PRDM16: variants seen among roughly 807,000 people sequenced by gnomAD.
PRDM16 encodes histone-lysine N-methyltransferase PRDM16.
In PRDM16, 23 loss-of-function variants were observed where a neutral mutation model predicts 110.6. The ratio of observed to expected loss-of-function variants is 0.21; its 90% CI spans 0.15 to 0.29. The LOEUF (loss-of-function observed/expected upper bound fraction) is 0.29. Ranked by LOEUF, PRDM16 falls within the 10% of genes least tolerant of loss-of-function variation. PRDM16 has a pLI of 1.00. For missense variants in PRDM16, 1,615 were observed against 1,794.3 expected, an observed-to-expected ratio of 0.90 and a Z score of 1.81; for synonymous variants, 799 against 781.8, an observed-to-expected ratio of 1.02 and a Z score of -0.37.
chr1:3,161,614 C>T (rs1331737653), intron 1 of PRDM16, among the ~76,000 whole-genome samples: 1 of 152,248 alleles, frequency 6.6e-6, no homozygotes, highest in Non-Finnish European at 1.5e-5. Flanking sequence ...CTTGCCAGCA[C>T]CAGCTCCACA....
At chr1:3,314,013 C>A (rs549328214) in intron 3 of PRDM16, among the ~76,000 whole-genome samples, 1 of 146,690 alleles carries the variant, frequency 6.8e-6, no homozygotes, top group East Asian at 2.1e-4. Context: ...CAGTGTCAGA[C>A]CCCAAGGAAT....
intron 9 of PRDM16, 49 bp from the exon 10 acceptor site, chr1:3,414,511 C>A (rs757496917): frequency 6.9e-6 from 10 of 1,442,618 alleles, no homozygotes; most frequent in Non-Finnish European, 7.7e-6. Context: ...GGTGGCTCGG[C>A]GGGGCGGGCG....
Position 3,432,084 on chromosome 1 carries a change from TC to T in PRDM16, c.3642del (p.Thr1215ProfsTer2). 6.2e-7 allele frequency: 1 copy of T among 1,614,006 alleles called. No homozygotes were observed. Among genetic ancestry groups the T allele is most frequent in the Non-Finnish European group, 8.5e-7 (1 of 1,179,998 alleles). ...ATTTGAAGTTAAAGATGTGCTTAAT[TC>T]CACCTTAGATTCTGAGGCTTTAAAA... ...EAFEVKDVLN[S>X]TLDSEALKHT... On this transcript the variant is annotated frameshift_variant, in exon 16 of 17. Transcript: ENST00000270722. LOFTEE classifies it high-confidence loss of function.
In PRDM16 at chr1:3,245,450, G is replaced by A. The variant is rs1438730998; in HGVS notation, c.438+1313G>A. On this transcript the variant is annotated intron_variant, in intron 3 of 16. Coordinates refer to ENST00000270722, the MANE Select transcript of PRDM16 (RefSeq NM_022114.4). This position sits in a 1 kb window ranked among gnomAD's most constrained non-coding sequence, Gnocchi z 4.7. ...CCCAGATACATTGATTTTGGAGAAAGCATGGCAATGGAGACTTTTGCTGGG... is the reference window on the plus strand; with the variant it reads ...CCCAGATACATTGATTTTGGAGAAAACATGGCAATGGAGACTTTTGCTGGG... Among the ~76,000 whole-genome samples the A allele has an allele frequency of 6.6e-6, 1 of 152,218 alleles. No homozygotes were observed. Among genetic ancestry groups the A allele is most frequent in the Non-Finnish European group, 1.5e-5 (1 of 68,038 alleles).
chr1:3,287,547 G>C (rs1287182337), intron 3 of PRDM16, among the ~76,000 whole-genome samples: 5 of 61,216 alleles, frequency 8.2e-5, no homozygotes, highest in African/African-American at 2.9e-4. Flanking sequence ...ACCGGGGCTG[G>C]AGCCGCCCCC....
intron 3 of PRDM16, among the ~76,000 whole-genome samples, chr1:3,291,122 A>G (rs768349030): frequency 2.6e-5 from 4 of 151,904 alleles, no homozygotes; most frequent in Non-Finnish European, 5.9e-5. Flanking sequence ...CTGATGTGAT[A>G]CTTAGGTCAT....
chr1:3,166,521 T>C (rs542800683), intron 1 of PRDM16, among the ~76,000 whole-genome samples: 2 of 152,238 alleles, frequency 1.3e-5, no homozygotes, highest in Non-Finnish European at 2.9e-5. Flanking sequence ...TGAGGCCTTC[T>C]CAGGAATACA....
chr1:3,114,340 G>A (rs1042903449), intron 1 of PRDM16, among the ~76,000 whole-genome samples: 36 of 128,962 alleles, frequency 2.8e-4, no homozygotes, highest in South Asian at 2.0e-3. Context: ...AAACAGACGC[G>A]CACGCATGCA....
At chr1:3,322,380 C>A (rs1357195215) in intron 3 of PRDM16, among the ~76,000 whole-genome samples, 1 of 152,172 alleles carries the variant, frequency 6.6e-6, no homozygotes, top group South Asian at 2.1e-4. Context: ...ATAAATCTCA[C>A]GCTCCTTGTA....
Position 3,432,912 on chromosome 1 carries a change from C to T in PRDM16, c.3697-765C>T, listed in dbSNP as rs150954579. 4.8e-3 allele frequency among the ~76,000 whole-genome samples: 734 copies of T among 152,292 alleles called. 3 individuals carry two copies. Among genetic ancestry groups the T allele is most frequent in the Admixed American group, 9.7e-3 (149 of 15,302 alleles). On this transcript the variant is annotated intron_variant, in intron 16 of 16. Coordinates refer to ENST00000270722, the MANE Select transcript of PRDM16 (RefSeq NM_022114.4). ...GGCAGAAGGATGTCCCATGAACTAACGCCTGGAAACACATCTGTACTTCCT... is the reference window on the plus strand; with the variant it reads ...GGCAGAAGGATGTCCCATGAACTAATGCCTGGAAACACATCTGTACTTCCT...
intron 3 of PRDM16, among the ~76,000 whole-genome samples, chr1:3,317,375 G>A (rs1464628483): frequency 1.3e-5 from 2 of 152,230 alleles, no homozygotes; most frequent in Admixed American, 6.5e-5. Flanking sequence ...TGACAAGGAC[G>A]GACTAACGAG....
chr1:3,398,753 C>T (rs1643423313), intron 5 of PRDM16, among the ~76,000 whole-genome samples: 1 of 152,254 alleles, frequency 6.6e-6, no homozygotes, highest in African/African-American at 2.4e-5. Flanking sequence ...GTCACCACGG[C>T]GTTGGCTTAG....
At chr1:3,096,313 C>T (rs1295647938) in intron 1 of PRDM16, among the ~76,000 whole-genome samples, 1 of 152,160 alleles carries the variant, frequency 6.6e-6, no homozygotes, top group African/African-American at 2.4e-5. Flanking sequence ...TCTCTAGCCC[C>T]AGAACCCCGC....
chr1:3,252,221 C>T (rs1009981591), intron 3 of PRDM16, among the ~76,000 whole-genome samples: 2 of 152,228 alleles, frequency 1.3e-5, no homozygotes, highest in East Asian at 1.9e-4. Context: ...ACCTCCCTCT[C>T]GTGGTGCAGG....
chr1:3,400,669 G>A (rs12747145), intron 5 of PRDM16, among the ~76,000 whole-genome samples: 23,610 of 152,196 alleles, frequency 0.16, 2,200 homozygotes, highest in Middle Eastern at 0.27. Flanking sequence ...AGTGGACTGC[G>A]CAGGCCCTGG....
chr1:3,114,543 AAC>A (rs199993488), intron 1 of PRDM16, among the ~76,000 whole-genome samples: 3,642 of 151,768 alleles, frequency 0.024, 97 homozygotes, highest in African/African-American at 0.069. Context: ...TGCACACATG[AAC>A]ACACACACGT....
intron 1 of PRDM16, among the ~76,000 whole-genome samples, chr1:3,075,103 C>T (rs1212984357): frequency 1.3e-5 from 2 of 152,224 alleles, no homozygotes; most frequent in South Asian, 4.1e-4. Context: ...TGGGCTGGCC[C>T]GCCTGGCCGG....
At chr1:3,314,589 T>TC (rs1256627418) in intron 3 of PRDM16, among the ~76,000 whole-genome samples, 12 of 151,600 alleles carry the variant, frequency 7.9e-5, no homozygotes, top group East Asian at 1.9e-4. Flanking sequence ...CTCCTCTCTC[T>TC]CCCCCCCTCC....
At chr1:3,385,100 G>C in intron 3 of PRDM16, 52 bp from the exon 4 acceptor site, 1 of 1,608,644 alleles carries the variant, frequency 6.2e-7, no homozygotes, top group Non-Finnish European at 8.5e-7. Flanking sequence ...GCTGTGTGCA[G>C]ACTCCAGCAC....
Sources: gnomAD v4.1 joint callset for allele counts (sites outside exome capture counted in the v4.1 genomes callset) on GRCh38, gnomAD v4.1.1 for gene constraint, Gnocchi (gnomAD v3.1) non-coding constraint, MANE v1.5 for transcripts, NCBI Gene and HGNC (gene_info 2026-07-23, HGNC 2026-07-21) for gene names.